The following TMEM232 variants were observed in gnomAD, a reference collection of about 807,000 sequenced individuals.
TMEM232 encodes the protein transmembrane protein 232.
A neutral mutation model predicts 78.8 loss-of-function variants in TMEM232; 80 were observed. That is an observed-to-expected ratio of 1.01 (90% CI 0.85 to 1.22). The LOEUF is 1.22. TMEM232 is among the 50% of genes most tolerant of loss of function. The pLI, the probability that TMEM232 is intolerant of heterozygous loss-of-function variation, is 0.00. For synonymous variants in TMEM232, 297 were observed against 254.3 expected, an observed-to-expected ratio of 1.17 and a Z score of -1.60; for missense variants, 881 against 742.2, an observed-to-expected ratio of 1.19 and a Z score of -2.17.
intron 10 of TMEM232, among the ~76,000 whole-genome samples, chr5:110,602,968 G>A (rs1170627844): frequency 6.6e-6 from 1 of 152,038 alleles, no homozygotes; most frequent in African/African-American, 2.4e-5. Context: ...GCCATAATAA[G>A]GAATGAGTTC....
At chr5:110,693,672 G>A (rs1051493468) in intron 1 of TMEM232, among the ~76,000 whole-genome samples, 4 of 152,214 alleles carry the variant, frequency 2.6e-5, no homozygotes, top group African/African-American at 9.6e-5. Flanking sequence ...AGCCTCAGTA[G>A]CCGATGTGAT....
chr5:110,483,347 C>T (rs1033375995), intron 12 of TMEM232, among the ~76,000 whole-genome samples: 2 of 151,812 alleles, frequency 1.3e-5, no homozygotes, highest in African/African-American at 2.4e-5. Context: ...ACTCTGAATA[C>T]CTAATATTAA....
At chr5:110,701,155 G>A (rs373642130) in intron 1 of TMEM232, among the ~76,000 whole-genome samples, 2 of 151,994 alleles carry the variant, frequency 1.3e-5, no homozygotes, top group East Asian at 3.9e-4. Flanking sequence ...GACTAAAAAT[G>A]ACAGATCTGA....
chr5:110,706,408 A>T (rs1795935395), intron 1 of TMEM232, among the ~76,000 whole-genome samples: 1 of 152,040 alleles, frequency 6.6e-6, no homozygotes, highest in Non-Finnish European at 1.5e-5. Flanking sequence ...TGTATTATTG[A>T]TTATTTTTCT....
intron 10 of TMEM232, among the ~76,000 whole-genome samples, chr5:110,602,773 C>A (rs189198274): frequency 1.2e-3 from 183 of 152,224 alleles, no homozygotes; most frequent in African/African-American, 4.3e-3. Context: ...TACCATTTGA[C>A]CCAGCAATTA....
chr5:110,487,989 C>T (rs2149410569), intron 12 of TMEM232, among the ~76,000 whole-genome samples: 1 of 152,084 alleles, frequency 6.6e-6, no homozygotes, highest in East Asian at 1.9e-4. Flanking sequence ...TCCATCTGGT[C>T]CTTTTTGTTG....
exon 3 of TMEM232, chr5:110,397,820 A>T (rs999756340): frequency 1.3e-5 from 2 of 152,610 alleles, no homozygotes; most frequent in African/African-American, 4.8e-5. Flanking sequence ...CTGCTGTAAC[A>T]TGATGTATAA....
intron 7 of TMEM232, among the ~76,000 whole-genome samples, chr5:110,619,195 C>T (rs1783328773): frequency 6.6e-6 from 1 of 152,082 alleles, no homozygotes; most frequent in African/African-American, 2.4e-5. Flanking sequence ...AATACACATC[C>T]TGTGATAGGT....
chr5:110,600,432 GAA>G (rs1282868161), intron 10 of TMEM232, among the ~76,000 whole-genome samples: 1 of 151,948 alleles, frequency 6.6e-6, no homozygotes. Flanking sequence ...TATTACAGAA[GAA>G]AAGAGAGAAG....
At position 110,640,995 on chromosome 5, in the gene TMEM232, C is replaced by G; in HGVS notation, c.239G>C (p.Arg80Thr). 6.6e-7 allele frequency: 1 copy of G among 1,523,112 alleles called. No homozygotes were observed. The highest frequency in any genetic ancestry group is 8.8e-7 in the Non-Finnish European group (1 of 1,134,038). 94.3% of individuals were successfully genotyped at this position (1,523,112 alleles called of 1,614,324 possible). A position where few individuals can be genotyped will look rare whatever the true frequency, so the allele number is the denominator to read the frequency against. Residue 80 changes from arginine to threonine, a missense_variant and splice_region_variant, in exon 4 of 14, where the codon AGA (arginine) becomes ACA (threonine). By Grantham distance (71) the Arg-to-Thr change is moderately conservative. Coordinates refer to ENST00000455884, the MANE Select transcript of TMEM232 (RefSeq NM_001039763.4). ...GCCCAGGGTTTTGAGACCCAATTTTCTCTGTTATGAGGAAGCATGAAAAAG... is the reference window on the plus strand; with the variant it reads ...GCCCAGGGTTTTGAGACCCAATTTTGTCTGTTATGAGGAAGCATGAAAAAG... ...LARKIILRCK[R>T]KLGLKTLGSG...
chr5:110,490,799 A>T (rs1440558109), intron 12 of TMEM232, among the ~76,000 whole-genome samples: 2 of 152,124 alleles, frequency 1.3e-5, no homozygotes, highest in Non-Finnish European at 2.9e-5. Context: ...GTGGACTCTT[A>T]TCTCACATCA....
chr5:110,582,996 A>C (rs1778380873), intron 10 of TMEM232, among the ~76,000 whole-genome samples: 1 of 152,006 alleles, frequency 6.6e-6, no homozygotes, highest in African/African-American at 2.4e-5. Context: ...ACATTGTTTA[A>C]AAACTTAAAT....
chr5:110,576,598 C>T (rs1304106644), intron 10 of TMEM232, among the ~76,000 whole-genome samples: 1 of 152,032 alleles, frequency 6.6e-6, no homozygotes, highest in Non-Finnish European at 1.5e-5. Flanking sequence ...GCAAAAAGAA[C>T]AAAGCTGGAG....
intron 12 of TMEM232, among the ~76,000 whole-genome samples, chr5:110,497,649 T>C (rs976762734): frequency 7.9e-5 from 12 of 152,248 alleles, no homozygotes; most frequent in Non-Finnish European, 1.6e-4. Context: ...GCTAGTGAGG[T>C]TGACCCTTGA....
chr5:110,434,385 A>G (rs1351458345), intron 12 of TMEM232, among the ~76,000 whole-genome samples: 1 of 151,740 alleles, frequency 6.6e-6, no homozygotes, highest in Non-Finnish European at 1.5e-5. Context: ...AAATTCCTAG[A>G]AAAAACACAA....
At chr5:110,599,509 G>C (rs967612886) in intron 10 of TMEM232, among the ~76,000 whole-genome samples, 4 of 152,018 alleles carry the variant, frequency 2.6e-5, no homozygotes, top group Admixed American at 1.3e-4. Flanking sequence ...AAAATGCAGG[G>C]ATTGCAATCC....
chr5:110,463,722 C>CAATTT (rs1277892279), intron 12 of TMEM232, among the ~76,000 whole-genome samples: 12 of 152,096 alleles, frequency 7.9e-5, no homozygotes, highest in African/African-American at 2.7e-4. Context: ...TTGACATATC[C>CAATTT]AATTTATTGG....
At position 110,606,351 on chromosome 5, in the gene TMEM232, T is replaced by C. The variant is rs1409632495; in HGVS notation, c.903-64A>G. The C allele has an allele frequency of 3.5e-6, 5 of 1,414,422 alleles. No individual in the cohort carries two copies. The Admixed American group carries it at 1.2e-4, about 35-fold the overall frequency. 87.6% of individuals were successfully genotyped at this position (1,414,422 alleles called of 1,614,324 possible). A position where few individuals can be genotyped will look rare whatever the true frequency, so the allele number is the denominator to read the frequency against. On this transcript the variant is annotated intron_variant, in intron 8 of 13. Transcript: ENST00000455884. ...GAAAATAATAATAATAATCAACTTT[T>C]AATGTGAAAAAATGAAATAGGTCAG... is the stretch of plus-strand genomic sequence containing the variant.
intron 11 of TMEM232, among the ~76,000 whole-genome samples, chr5:110,558,372 G>GCA (rs1775352404): frequency 6.6e-6 from 1 of 152,180 alleles, no homozygotes; most frequent in East Asian, 1.9e-4. Flanking sequence ...GTAGGGAAAA[G>GCA]CTGTAGGTGA....
Sources: allele counts gnomAD v4.1 joint callset (sites outside exome capture counted in the v4.1 genomes callset), GRCh38; gene constraint gnomAD v4.1.1; transcripts MANE v1.5; gene names NCBI Gene and HGNC (gene_info 2026-07-23, HGNC 2026-07-21).